PDE1A: variants seen among roughly 807,000 people sequenced by gnomAD.
PDE1A encodes phosphodiesterase 1A.
PDE1A carries 35 observed loss-of-function variants against 61.7 expected under a neutral mutation model. The observed-to-expected ratio is 0.57, with a 90% confidence interval of 0.43 to 0.75. The LOEUF (loss-of-function observed/expected upper bound fraction) is 0.75, where lower values mean the gene tolerates loss of function less well. PDE1A is among the 30% of genes least tolerant of loss of function. The pLI is 0.00. For synonymous variants in PDE1A, 232 were observed against 213.2 expected, an observed-to-expected ratio of 1.09 and a Z score of -0.77; for missense variants, 597 against 630.6, an observed-to-expected ratio of 0.95 and a Z score of 0.57.
At chr2:182,316,961 G>C (rs745671220) in intron 1 of PDE1A, among the ~76,000 whole-genome samples, 1 of 152,090 alleles carries the variant, frequency 6.6e-6, no homozygotes, top group African/African-American at 2.4e-5. Flanking sequence ...AAGGACAATC[G>C]TATTTTCATT....
At chr2:182,561,633 A>G in the PDE1A span, among the ~76,000 whole-genome samples, 4 of 152,170 alleles carry the variant, frequency 2.6e-5, no homozygotes, top group African/African-American at 4.8e-5. Flanking sequence ...TTGAATCTAT[A>G]AATTACCTTG....
intron 2 of PDE1A, among the ~76,000 whole-genome samples, chr2:182,490,845 A>G (rs1688339436): frequency 6.6e-6 from 1 of 152,184 alleles, no homozygotes; most frequent in Non-Finnish European, 1.5e-5. Flanking sequence ...AGACAGGCGC[A>G]CTGACAGTTC....
chr2:182,212,563 C>A (rs569909816), intron 7 of PDE1A, among the ~76,000 whole-genome samples: 7 of 152,232 alleles, frequency 4.6e-5, no homozygotes, highest in African/African-American at 1.7e-4. Flanking sequence ...GTGCGCGCAC[C>A]GTGCGCAAGC....
the PDE1A span, among the ~76,000 whole-genome samples, chr2:182,637,424 T>G: frequency 2.6e-5 from 4 of 152,162 alleles, no homozygotes; most frequent in African/African-American, 9.7e-5. Context: ...ATGGTGAAGA[T>G]TAGAATCTAA....
intron 1 of PDE1A, among the ~76,000 whole-genome samples, chr2:182,413,570 TTAA>T (rs1702744121): frequency 6.6e-6 from 1 of 152,184 alleles, no homozygotes; most frequent in Non-Finnish European, 1.5e-5. Flanking sequence ...TATGCTGTCC[TTAA>T]TAGTTTTCAA....
At chr2:182,426,728 C>G in exon 1 of PDE1A, 3 of 1,572,588 alleles carry the variant, frequency 1.9e-6, no homozygotes, top group Non-Finnish European at 1.7e-6. Context: ...GCAAGGAGCC[C>G]AGAAAGAAAA....
In PDE1A at chr2:182,264,553, A is replaced by ATT. The variant is rs377522355; in HGVS notation, c.54-141_54-140dup. On this transcript the variant is annotated intron_variant, in intron 1 of 13. Transcript: ENST00000351439. ...GGTCAACAAATAGCATTATTTTCAG[A>ATT]TTTTTTTTTGATATAATTAAGACCA... 4 of 574,142 alleles carry ATT rather than the reference A, an allele frequency of 7.0e-6. No individual in the cohort carries two copies. In the Admixed American group the frequency reaches 9.6e-5, roughly 14 times the overall value. 35.6% of individuals were successfully genotyped at this position (574,142 alleles called of 1,614,324 possible). A position where few individuals can be genotyped will look rare whatever the true frequency, so the allele number is the denominator to read the frequency against.
chr2:182,529,368 A>G, the PDE1A span, among the ~76,000 whole-genome samples: 3 of 152,052 alleles, frequency 2.0e-5, no homozygotes, highest in Non-Finnish European at 4.4e-5. Flanking sequence ...GTTTTGGCCA[A>G]TTTCTCCCAT....
intron 2 of PDE1A, among the ~76,000 whole-genome samples, chr2:182,254,577 G>T (rs780214340): frequency 7.2e-5 from 11 of 152,158 alleles, no homozygotes; most frequent in Non-Finnish European, 1.5e-4. Flanking sequence ...AGTCTTTACA[G>T]GGGGACTTTG....
upstream of PDE1A, among the ~76,000 whole-genome samples, chr2:182,430,183 G>C (rs1239943194): frequency 6.7e-6 from 1 of 150,360 alleles, no homozygotes; most frequent in African/African-American, 2.5e-5. Context: ...TACAACATGG[G>C]AGAAAATTTT....
In PDE1A at chr2:182,231,048, C is replaced by T. The variant is rs149460483; in HGVS notation, c.501G>A (p.Leu167=). Residue 167 remains leucine (L), a synonymous_variant, in exon 5 of 14, where the codon CTG becomes CTA. Coordinates refer to ENST00000351439, the Ensembl canonical transcript of PDE1A. Reference sequence around the variant, plus strand: ...GGTTGATAAGATCATATCTGGTAAACAGTTCATAAATCATAAACTTCAGAC... The same window carrying T: ...GGTTGATAAGATCATATCTGGTAAATAGTTCATAAATCATAAACTTCAGAC... The T allele has an allele frequency of 8.8e-6, 14 of 1,597,372 alleles. No homozygotes were observed. The African/African-American group carries it at 1.9e-4, about 21-fold the overall frequency.
At chr2:182,673,904 C>A in the PDE1A span, among the ~76,000 whole-genome samples, 1 of 150,998 alleles carries the variant, frequency 6.6e-6, no homozygotes, top group African/African-American at 2.4e-5. Flanking sequence ...CAGGAACATC[C>A]AGCCATAAAA....
the PDE1A span, among the ~76,000 whole-genome samples, chr2:182,608,761 G>T: frequency 2.4e-4 from 37 of 152,342 alleles, no homozygotes; most frequent in East Asian, 5.4e-3. Context: ...CCCATCAACC[G>T]CCCAAGGGCT....
the PDE1A span, among the ~76,000 whole-genome samples, chr2:182,651,433 G>C: frequency 6.6e-6 from 1 of 152,170 alleles, no homozygotes; most frequent in Non-Finnish European, 1.5e-5. Flanking sequence ...ACAAAATTTA[G>C]TATGATCTTT....
At chr2:182,610,703 A>G in the PDE1A span, among the ~76,000 whole-genome samples, 254 of 152,336 alleles carry the variant, frequency 1.7e-3, 4 homozygotes, top group African/African-American at 5.9e-3. Context: ...AGACAAAAGC[A>G]ATAGCTCAAA....
intron 1 of PDE1A, among the ~76,000 whole-genome samples, chr2:182,306,495 C>T (rs1178203287): frequency 6.6e-6 from 1 of 151,974 alleles, no homozygotes; most frequent in African/African-American, 2.4e-5. Flanking sequence ...CACACACACA[C>T]ACACAAAAGC....
At chr2:182,674,188 T>C in the PDE1A span, among the ~76,000 whole-genome samples, 1 of 151,950 alleles carries the variant, frequency 6.6e-6, no homozygotes, top group African/African-American at 2.4e-5. Flanking sequence ...AAAATCTATG[T>C]ACTAAAACAC....
chr2:182,585,028 G>A, the PDE1A span, among the ~76,000 whole-genome samples: 3 of 152,116 alleles, frequency 2.0e-5, no homozygotes, highest in South Asian at 2.1e-4. Context: ...TTTGAAAAAC[G>A]TTATAAAGCA....
At chr2:182,411,081 C>T (rs1282748345) in intron 1 of PDE1A, among the ~76,000 whole-genome samples, 1 of 152,204 alleles carries the variant, frequency 6.6e-6, no homozygotes, top group African/African-American at 2.4e-5. Flanking sequence ...GAAGCCAGAT[C>T]AAAGAAACAG....
Sources: allele counts gnomAD v4.1 joint callset (sites outside exome capture counted in the v4.1 genomes callset), GRCh38; gene constraint gnomAD v4.1.1; transcripts MANE v1.5; gene names NCBI Gene and HGNC (gene_info 2026-07-23, HGNC 2026-07-21).